Variants in KCNH8 observed in about 807,000 individuals in gnomAD.
KCNH8 encodes voltage-gated delayed rectifier potassium channel KCNH8.
A neutral mutation model predicts 103.6 loss-of-function variants in KCNH8; 70 were observed. The ratio of observed to expected loss-of-function variants is 0.68; its 90% confidence interval spans 0.56 to 0.82. The LOEUF (loss-of-function observed/expected upper bound fraction) is 0.82. Ranked by LOEUF, KCNH8 falls within the 40% of genes least tolerant of loss-of-function variation. The pLI is 0.00. For missense variants in KCNH8, 1,217 were observed against 1,329.9 expected, an observed-to-expected ratio of 0.92 and a Z score of 1.32; for synonymous variants, 498 against 489.4, an observed-to-expected ratio of 1.02 and a Z score of -0.23.
At chr3:19,334,709 TAA>T (rs929953695) in intron 3 of KCNH8, among the ~76,000 whole-genome samples, 16 of 135,116 alleles carry the variant, frequency 1.2e-4, no homozygotes, top group Admixed American at 2.2e-4. Flanking sequence ...TCAGTGATGT[TAA>T]AAAAAAAAAA....
intron 3 of KCNH8, among the ~76,000 whole-genome samples, chr3:19,320,215 G>A (rs556352141): frequency 6.6e-6 from 1 of 151,992 alleles, no homozygotes; most frequent in Non-Finnish European, 1.5e-5. Context: ...AGTGGTGAAA[G>A]TGGGCATCCC....
chr3:19,406,814 T>C (rs1239372894), intron 7 of KCNH8, among the ~76,000 whole-genome samples: 1 of 152,182 alleles, frequency 6.6e-6, no homozygotes, highest in African/African-American at 2.4e-5. Flanking sequence ...GGGGAGAACA[T>C]AGATTGAGTG....
intron 5 of KCNH8, among the ~76,000 whole-genome samples, chr3:19,382,963 C>T (rs965696707): frequency 3.3e-5 from 5 of 152,112 alleles, no homozygotes; most frequent in African/African-American, 4.8e-5. Context: ...CATATGCTTC[C>T]ATAATTATCA....
chr3:19,531,198 T>C (rs1226595617), intron 15 of KCNH8, among the ~76,000 whole-genome samples: 1 of 152,236 alleles, frequency 6.6e-6, no homozygotes, highest in African/African-American at 2.4e-5. Context: ...ACAACCTATA[T>C]GAACGGATGG....
intron 2 of KCNH8, among the ~76,000 whole-genome samples, chr3:19,276,175 ATGTGTGTGTGTGTGTG>A (rs59768467): frequency 1.4e-5 from 2 of 141,878 alleles, no homozygotes; most frequent in African/African-American, 2.6e-5. Context: ...CAATATGTAT[ATGTGTGTGTGTGTGTG>A]TGTGTGTGTG....
intron 5 of KCNH8, among the ~76,000 whole-genome samples, chr3:19,375,636 C>T (rs1050706166): frequency 2.0e-5 from 3 of 152,130 alleles, no homozygotes; most frequent in Non-Finnish European, 4.4e-5. Context: ...CAGCTTTGTT[C>T]CGTTGCTGGT....
At chr3:19,264,166 T>A (rs1290328686) in intron 2 of KCNH8, among the ~76,000 whole-genome samples, 1 of 152,046 alleles carries the variant, frequency 6.6e-6, no homozygotes, top group Non-Finnish European at 1.5e-5. Context: ...GCCTCTTAGG[T>A]CTTTTGCATT....
intron 1 of KCNH8, among the ~76,000 whole-genome samples, chr3:19,244,667 C>G (rs1478073840): frequency 6.6e-6 from 1 of 151,988 alleles, no homozygotes. Context: ...CCATTCTGAT[C>G]GGTATGAGAT....
intron 11 of KCNH8, among the ~76,000 whole-genome samples, chr3:19,487,310 A>C (rs890126775): frequency 2.0e-5 from 3 of 152,176 alleles, no homozygotes; most frequent in Non-Finnish European, 4.4e-5. Context: ...TAGCCCTAAC[A>C]ATGTGTAACG....
At chr3:19,179,613 G>C (rs2063431936) in intron 1 of KCNH8, among the ~76,000 whole-genome samples, 1 of 152,102 alleles carries the variant, frequency 6.6e-6, no homozygotes, top group Non-Finnish European at 1.5e-5. Context: ...TTAACAGAAT[G>C]AAATAATAGT....
At chr3:19,175,498 C>A (rs1472670940) in intron 1 of KCNH8, among the ~76,000 whole-genome samples, 1 of 152,080 alleles carries the variant, frequency 6.6e-6, no homozygotes, top group Non-Finnish European at 1.5e-5. Flanking sequence ...CGTGAGCCCC[C>A]GCGCCCGGCC....
intron 3 of KCNH8, among the ~76,000 whole-genome samples, chr3:19,338,230 C>A (rs2065611566): frequency 6.6e-6 from 1 of 151,968 alleles, no homozygotes; most frequent in South Asian, 2.1e-4. Flanking sequence ...TTCCTTTCAT[C>A]ATATACTAAC....
chr3:19,480,962 T>G (rs2068075368), intron 11 of KCNH8, among the ~76,000 whole-genome samples: 3 of 152,132 alleles, frequency 2.0e-5, no homozygotes, highest in Admixed American at 6.5e-5. Context: ...ACTTCTTAAA[T>G]CAACTGACTG....
intron 6 of KCNH8, among the ~76,000 whole-genome samples, chr3:19,394,242 G>C (rs904794713): frequency 6.6e-6 from 1 of 151,996 alleles, no homozygotes; most frequent in Non-Finnish European, 1.5e-5. Flanking sequence ...TTCTATCTTA[G>C]AATGTTCTTT....
intron 5 of KCNH8, among the ~76,000 whole-genome samples, chr3:19,383,338 T>G (rs2066312467): frequency 6.6e-6 from 1 of 152,162 alleles, no homozygotes; most frequent in African/African-American, 2.4e-5. Context: ...CAAACATCAA[T>G]TATATTAACA....
chr3:19,491,222 C>A (rs2068313787), intron 11 of KCNH8, among the ~76,000 whole-genome samples: 1 of 151,966 alleles, frequency 6.6e-6, no homozygotes, highest in South Asian at 2.1e-4. Context: ...AATGTTCAGC[C>A]TTTATTTTAG....
chr3:19,325,490 A>G (rs2065409344), intron 3 of KCNH8, among the ~76,000 whole-genome samples: 1 of 152,174 alleles, frequency 6.6e-6, no homozygotes, highest in Non-Finnish European at 1.5e-5. Context: ...AAACATACTG[A>G]CAAGAAAAAA....
intron 2 of KCNH8, among the ~76,000 whole-genome samples, chr3:19,274,051 T>C (rs2064627850): frequency 6.6e-6 from 1 of 152,106 alleles, no homozygotes; most frequent in Non-Finnish European, 1.5e-5. Context: ...GAGAATTAAA[T>C]TGACTTGAAA....
intron 15 of KCNH8, among the ~76,000 whole-genome samples, chr3:19,519,240 A>G (rs759264275): frequency 6.6e-5 from 10 of 151,998 alleles, no homozygotes; most frequent in Non-Finnish European, 1.5e-4. Flanking sequence ...GGGCAGGGAC[A>G]GACAGTGCAA....
Sources: allele counts gnomAD v4.1 joint callset (sites outside exome capture counted in the v4.1 genomes callset), GRCh38; gene constraint gnomAD v4.1.1; transcripts MANE v1.5; gene names NCBI Gene and HGNC (gene_info 2026-07-23, HGNC 2026-07-21).